The following MSRA variants were observed in gnomAD, a reference collection of about 807,000 sequenced individuals.
MSRA encodes mitochondrial peptide methionine sulfoxide reductase.
In MSRA, 54 loss-of-function variants were observed where a neutral mutation model predicts 31.3. That is an observed-to-expected ratio of 1.73 (90% CI 1.39 to 2.17). MSRA has a LOEUF of 2.17. Ranked by LOEUF, MSRA falls within the 30% of genes most tolerant of loss-of-function variation. The pLI, the probability that MSRA is intolerant of heterozygous loss-of-function variation, is 0.00. For missense variants in MSRA, 507 were observed against 300.9 expected, an observed-to-expected ratio of 1.69 and a Z score of -5.07; for synonymous variants, 169 against 116.5, an observed-to-expected ratio of 1.45 and a Z score of -2.90.
intron 1 of MSRA, among the ~76,000 whole-genome samples, chr8:10,059,782 G>C (rs183410881): frequency 1.3e-5 from 2 of 152,270 alleles, no homozygotes; most frequent in Admixed American, 6.5e-5. Flanking sequence ...GAAGCTTCTA[G>C]AAATAAAAAC....
intron 1 of MSRA, among the ~76,000 whole-genome samples, chr8:10,113,292 CTTT>C (rs10665004): frequency 3.3e-4 from 19 of 57,604 alleles, no homozygotes; most frequent in Middle Eastern, 0.015. Context: ...GACAGGTCTT[CTTT>C]TTTTTTTTTT....
intron 1 of MSRA, among the ~76,000 whole-genome samples, chr8:10,132,076 T>C (rs1190105091): frequency 6.6e-6 from 1 of 152,188 alleles, no homozygotes; most frequent in East Asian, 1.9e-4. Flanking sequence ...ACAGTTCAGA[T>C]AGAGTGAAAT....
intron 2 of MSRA, among the ~76,000 whole-genome samples, chr8:10,232,427 G>C (rs1176692622): frequency 6.6e-6 from 1 of 152,166 alleles, no homozygotes; most frequent in African/African-American, 2.4e-5. Context: ...AGTAGAACTT[G>C]CCCTAGCCAA....
At chr8:10,342,102 A>G (rs533675372) in intron 5 of MSRA, among the ~76,000 whole-genome samples, 1 of 152,296 alleles carries the variant, frequency 6.6e-6, no homozygotes, top group South Asian at 2.1e-4. Flanking sequence ...ATATCTGGTT[A>G]GTAATCAGCT....
In MSRA at chr8:10,281,944, T is replaced by G. The variant is rs148718564; in HGVS notation, c.332-19590T>G. ...GGGACAAAGAAATACGGGGCTTACT[T>G]TGCAGGTTTTTCAGGCTGCTCTGAA... On this transcript the variant is annotated intron_variant, in intron 3 of 5. Coordinates refer to ENST00000317173, the MANE Select transcript of MSRA (RefSeq NM_012331.5). Among the ~76,000 whole-genome samples the G allele has an allele frequency of 7.2e-5, 11 of 152,320 alleles. No homozygotes were observed. In the East Asian group the frequency reaches 2.1e-3, roughly 29 times the overall value.
intron 2 of MSRA, among the ~76,000 whole-genome samples, chr8:10,220,455 A>T (rs544845779): frequency 6.6e-6 from 1 of 152,378 alleles, no homozygotes; most frequent in African/African-American, 2.4e-5. Flanking sequence ...GCATAAGCTG[A>T]GTGAACACAT....
chr8:10,380,045 A>G (rs1302629485), intron 5 of MSRA, among the ~76,000 whole-genome samples: 1 of 152,238 alleles, frequency 6.6e-6, no homozygotes, highest in Non-Finnish European at 1.5e-5. Context: ...CTAGTGAAAG[A>G]GAAATGGTGG....
intron 1 of MSRA, among the ~76,000 whole-genome samples, chr8:10,183,011 A>G (rs1806679984): frequency 6.6e-6 from 1 of 152,150 alleles, no homozygotes; most frequent in Non-Finnish European, 1.5e-5. Context: ...AAAATAGCAC[A>G]TTCCATGAGC....
At chr8:10,424,826 C>G (rs1156666035) in intron 5 of MSRA, among the ~76,000 whole-genome samples, 5 of 152,208 alleles carry the variant, frequency 3.3e-5, no homozygotes, top group Admixed American at 2.6e-4. Context: ...TGAAGATCGC[C>G]AAGCCTGCAG....
rs140311584 is a variant in MSRA at position 10,291,286 on chromosome 8, C to A, written c.332-10248C>A. ...ATCATAAATTCTCCATCGTGTCTCC[C>A]CATGGCGGGCCAACAACAACAAAAA... On this transcript the variant is annotated intron_variant, in intron 3 of 5. Transcript: ENST00000317173. Among the ~76,000 whole-genome samples the A allele has an allele frequency of 6.2e-3, 946 of 152,124 alleles. 7 individuals carry two copies. Among genetic ancestry groups the A allele is most frequent in the African/African-American group, 0.022 (913 of 41,408 alleles).
intron 1 of MSRA, among the ~76,000 whole-genome samples, chr8:10,085,890 G>T (rs926076221): frequency 6.6e-6 from 1 of 152,196 alleles, no homozygotes; most frequent in Non-Finnish European, 1.5e-5. Flanking sequence ...TAGTGTTCCT[G>T]TGGTTCTTCC....
chr8:10,326,158 C>G (rs6983361), intron 5 of MSRA, among the ~76,000 whole-genome samples: 49,645 of 152,040 alleles, frequency 0.33, 8,944 homozygotes, highest in Non-Finnish European at 0.42. Flanking sequence ...ATTTAATAGT[C>G]TTCTTCACTA....
intron 5 of MSRA, among the ~76,000 whole-genome samples, chr8:10,398,038 G>C (rs1195516232): frequency 1.3e-5 from 2 of 152,190 alleles, no homozygotes; most frequent in Non-Finnish European, 2.9e-5. Context: ...TTTAATTAGA[G>C]CATATTGACA....
intron 3 of MSRA, among the ~76,000 whole-genome samples, chr8:10,301,275 T>G (rs1800829184): frequency 6.6e-6 from 1 of 152,192 alleles, no homozygotes; most frequent in Non-Finnish European, 1.5e-5. Flanking sequence ...TGTTTTTTCA[T>G]GAACTTAAAA....
intron 3 of MSRA, among the ~76,000 whole-genome samples, chr8:10,264,927 T>TTGAAA (rs2129096168): frequency 6.6e-6 from 1 of 152,202 alleles, no homozygotes; most frequent in South Asian, 2.1e-4. Context: ...GATGAGAAGC[T>TTGAAA]TGAAACCCAT....
chr8:10,354,391 G>A (rs920652045), intron 5 of MSRA, among the ~76,000 whole-genome samples: 3 of 152,210 alleles, frequency 2.0e-5, no homozygotes, highest in South Asian at 2.1e-4. Context: ...ATGAGTAAGC[G>A]AGAGAATCAG....
At chr8:10,108,629 G>A (rs1800056719) in intron 1 of MSRA, among the ~76,000 whole-genome samples, 1 of 152,126 alleles carries the variant, frequency 6.6e-6, no homozygotes, top group Admixed American at 6.5e-5. Flanking sequence ...GAGGAAGTTT[G>A]CACGTAGAAA....
chr8:10,132,501 A>G (rs907558681), intron 1 of MSRA, among the ~76,000 whole-genome samples: 1 of 152,142 alleles, frequency 6.6e-6, no homozygotes, highest in Non-Finnish European at 1.5e-5. Context: ...GAAGTCCAAG[A>G]TCAAGGCACT....
At chr8:10,162,279 C>A (rs926667060) in intron 1 of MSRA, among the ~76,000 whole-genome samples, 1 of 152,126 alleles carries the variant, frequency 6.6e-6, no homozygotes, top group African/African-American at 2.4e-5. Flanking sequence ...TCAGACCCTT[C>A]ATGAATGGGA....
Sources: gnomAD v4.1 joint callset for allele counts (sites outside exome capture counted in the v4.1 genomes callset) on GRCh38, gnomAD v4.1.1 for gene constraint, MANE v1.5 for transcripts, NCBI Gene and HGNC (gene_info 2026-07-23, HGNC 2026-07-21) for gene names.